Variants in GNA14 observed in about 807,000 individuals in gnomAD.
GNA14 encodes the protein G protein subunit alpha 14.
GNA14 carries 50 observed loss-of-function variants against 42.0 expected under a neutral mutation model. That is an observed-to-expected ratio of 1.19 (90% CI 0.95 to 1.51). The LOEUF is 1.51. Ranked by LOEUF, GNA14 falls within the 40% of genes most tolerant of loss-of-function variation. The pLI is 0.00. For synonymous variants in GNA14, 173 were observed against 163.1 expected, an observed-to-expected ratio of 1.06 and a Z score of -0.46; for missense variants, 473 against 446.2, an observed-to-expected ratio of 1.06 and a Z score of -0.54.
rs1196127662 is a variant in GNA14, at chr9:77,647,778, A to G, written c.16T>C (p.Cys6Arg). The G allele has an allele frequency of 6.2e-7, 1 of 1,609,402 alleles. No individual in the cohort carries two copies. The highest frequency in any genetic ancestry group is 8.5e-7 in the Non-Finnish European group (1 of 1,178,830). ...GACTCCTTCTCCTCCGCGGACAGGC[A>G]GCAGCAGCCGGCCATGGTGCGCTCA... MAGCC[C>R]LSAEEKESQR... The change falls in exon 1 of 7, where the codon TGC becomes CGC. Residue 6 changes from cysteine to arginine, a missense_variant. Physicochemically the swap from Cys to Arg is radical, Grantham distance 180. Transcript: ENST00000341700.
At chr9:77,503,130 AT>A (rs946625651) in intron 2 of GNA14, among the ~76,000 whole-genome samples, 5 of 152,096 alleles carry the variant, frequency 3.3e-5, no homozygotes, top group Non-Finnish European at 5.9e-5. Context: ...AATGTCAAGG[AT>A]TTTTAGTTGT....
At chr9:77,447,871 G>T (rs1467388854) in intron 2 of GNA14, among the ~76,000 whole-genome samples, 1 of 152,184 alleles carries the variant, frequency 6.6e-6, no homozygotes, top group Non-Finnish European at 1.5e-5. Context: ...AAGTGCAAGG[G>T]AGGCTGGGAA....
At chr9:77,428,101 T>G (rs1436880820) in intron 5 of GNA14, among the ~76,000 whole-genome samples, 1 of 140,356 alleles carries the variant, frequency 7.1e-6, no homozygotes, top group Non-Finnish European at 1.5e-5. Flanking sequence ...TTTTTTGAGA[T>G]GGAGTCTCGC....
intron 2 of GNA14, among the ~76,000 whole-genome samples, chr9:77,469,992 G>A (rs544091329): frequency 2.6e-5 from 4 of 152,232 alleles, no homozygotes; most frequent in Non-Finnish European, 5.9e-5. Context: ...GAGTGATGCT[G>A]AGGAAGCAGA....
Position 77,552,234 on chromosome 9 carries a change from G to A in GNA14, c.125-22981C>T, listed in dbSNP as rs568528998. 9.2e-5 allele frequency among the ~76,000 whole-genome samples: 14 copies of A among 151,864 alleles called. No individual in the cohort carries two copies. The South Asian group carries it at 2.7e-3, about 29-fold the overall frequency. ...TTGAATCTATAATATCCAGATTCTGGGGGATTATTTGTTTGGTTTTTCTTT... is the reference window on the plus strand; with the variant it reads ...TTGAATCTATAATATCCAGATTCTGAGGGATTATTTGTTTGGTTTTTCTTT... On this transcript the variant is annotated intron_variant, in intron 1 of 6. Coordinates refer to ENST00000341700, the MANE Select transcript of GNA14 (RefSeq NM_004297.4).
At chr9:77,621,724 T>C (rs1823926154) in intron 1 of GNA14, among the ~76,000 whole-genome samples, 1 of 152,236 alleles carries the variant, frequency 6.6e-6, no homozygotes, top group East Asian at 1.9e-4. Flanking sequence ...GTAGACCATC[T>C]ACAATTCCAT....
intron 1 of GNA14, among the ~76,000 whole-genome samples, chr9:77,539,161 A>G (rs993119951): frequency 6.6e-6 from 1 of 152,112 alleles, no homozygotes; most frequent in African/African-American, 2.4e-5. Context: ...TAGCTTTATT[A>G]TTTCAAGGTA....
In GNA14 at chr9:77,593,054, T is replaced by G. The variant is rs367837520; in HGVS notation, c.124+54616A>C. ...GGTAGAGGGCAGGGGGAAGGTCTAC[T>G]GTGGGGGAGAAGGAGTTGCACTTAT... On this transcript the variant is annotated intron_variant, in intron 1 of 6. Transcript: ENST00000341700. Among the ~76,000 whole-genome samples, 29 of 152,142 alleles carry G rather than the reference T, an allele frequency of 1.9e-4. No individual in the cohort carries two copies. In the East Asian group the frequency reaches 3.9e-3, roughly 20 times the overall value.
chr9:77,555,950 A>T (rs939678582), intron 1 of GNA14, among the ~76,000 whole-genome samples: 5 of 152,222 alleles, frequency 3.3e-5, no homozygotes, highest in African/African-American at 1.2e-4. Flanking sequence ...CATTTATTTG[A>T]AAGCACACAT....
At chr9:77,516,897 T>C (rs1012511651) in intron 2 of GNA14, among the ~76,000 whole-genome samples, 7 of 152,148 alleles carry the variant, frequency 4.6e-5, no homozygotes, top group Admixed American at 1.3e-4. Context: ...CTCTTAAAGA[T>C]GGGAAAGTGA....
intron 1 of GNA14, among the ~76,000 whole-genome samples, chr9:77,582,113 T>G (rs781084972): frequency 1.4e-4 from 21 of 152,248 alleles, no homozygotes; most frequent in Non-Finnish European, 2.9e-4. Context: ...TCATGTGTCC[T>G]ATCATTGTAA....
intron 1 of GNA14, among the ~76,000 whole-genome samples, chr9:77,574,641 T>G (rs1457210919): frequency 6.6e-6 from 1 of 152,224 alleles, no homozygotes; most frequent in African/African-American, 2.4e-5. Context: ...TATTTGTTCA[T>G]CTTTGAGAGG....
At chr9:77,537,325 T>C (rs1446474902) in intron 1 of GNA14, among the ~76,000 whole-genome samples, 1 of 152,052 alleles carries the variant, frequency 6.6e-6, no homozygotes, top group Non-Finnish European at 1.5e-5. Flanking sequence ...AGTGAGAACA[T>C]GCAGTACCTG....
chr9:77,449,990 C>T (rs1381577983), intron 2 of GNA14, among the ~76,000 whole-genome samples: 4 of 152,068 alleles, frequency 2.6e-5, no homozygotes, highest in East Asian at 1.9e-4. Flanking sequence ...GAGGAATTGG[C>T]GGTAGTTCAT....
chr9:77,602,042 G>T (rs1823575069), intron 1 of GNA14, among the ~76,000 whole-genome samples: 1 of 152,124 alleles, frequency 6.6e-6, no homozygotes, highest in Non-Finnish European at 1.5e-5. Context: ...CATTCTCTCT[G>T]GCTTGCCTTA....
chr9:77,597,933 G>T (rs971771197), intron 1 of GNA14, among the ~76,000 whole-genome samples: 1 of 152,072 alleles, frequency 6.6e-6, no homozygotes, highest in Non-Finnish European at 1.5e-5. Context: ...GCGTGGTGGT[G>T]CATGCTGAGA....
At chr9:77,497,896 C>T (rs1038502776) in intron 2 of GNA14, among the ~76,000 whole-genome samples, 2 of 152,266 alleles carry the variant, frequency 1.3e-5, no homozygotes, top group South Asian at 4.1e-4. Context: ...GTAGCCAGTA[C>T]TACCCCATCT....
chr9:77,623,579 T>A (rs575408090), intron 1 of GNA14, among the ~76,000 whole-genome samples: 17 of 152,140 alleles, frequency 1.1e-4, no homozygotes, highest in Non-Finnish European at 2.2e-4. Flanking sequence ...ACCTGGCTCA[T>A]CTCATTGGGA....
intron 2 of GNA14, among the ~76,000 whole-genome samples, chr9:77,469,783 T>G (rs1054893828): frequency 7.2e-5 from 11 of 152,204 alleles, no homozygotes; most frequent in Admixed American, 3.9e-4. Context: ...TGGTTGGTTC[T>G]GGTTCACTCA....
Sources: allele counts gnomAD v4.1 joint callset (sites outside exome capture counted in the v4.1 genomes callset), GRCh38; gene constraint gnomAD v4.1.1; transcripts MANE v1.5; gene names NCBI Gene and HGNC (gene_info 2026-07-23, HGNC 2026-07-21).